GLRA1: variants seen among roughly 807,000 people sequenced by gnomAD.
GLRA1 encodes glycine receptor alpha 1.
In GLRA1, 37 loss-of-function variants were observed where a neutral mutation model predicts 48.3. The observed-to-expected ratio is 0.77, with a 90% CI of 0.59 to 1.01. The LOEUF (loss-of-function observed/expected upper bound fraction) is 1.01, where lower values mean the gene tolerates loss of function less well. Ranked by LOEUF, GLRA1 falls within the 50% of genes least tolerant of loss-of-function variation. The pLI is 0.00. For synonymous variants in GLRA1, 196 were observed against 210.7 expected, an observed-to-expected ratio of 0.93 and a Z score of 0.60; for missense variants, 427 against 571.0, an observed-to-expected ratio of 0.75 and a Z score of 2.57.
In GLRA1 at chr5:151,919,480, G is replaced by T. The variant is rs144219748; in HGVS notation, c.56+5014C>A. On this transcript the variant is annotated intron_variant, in intron 1 of 8. Coordinates refer to ENST00000274576, the MANE Select transcript of GLRA1 (RefSeq NM_000171.4). ...ATCTGTCAATAATCATGTCTGGGTC[G>T]GGATAACTCTCCAAAAGGTGAATTG... Among the ~76,000 whole-genome samples the T allele has an allele frequency of 4.3e-3, 661 of 152,266 alleles. 6 individuals are homozygous for T. The highest frequency in any genetic ancestry group is 0.015 in the African/African-American group (610 of 41,540).
intron 3 of GLRA1, among the ~76,000 whole-genome samples, chr5:151,868,321 A>G (rs113187075): frequency 1.4e-3 from 210 of 152,362 alleles, no homozygotes; most frequent in Admixed American, 2.5e-3. Flanking sequence ...AGAATTAATA[A>G]TAACAATGCA....
intron 3 of GLRA1, among the ~76,000 whole-genome samples, chr5:151,885,880 A>G (rs946497984): frequency 9.2e-5 from 14 of 152,180 alleles, no homozygotes; most frequent in Non-Finnish European, 1.6e-4. Context: ...GGAAGGGGGC[A>G]AGTTGGAAGC....
chr5:151,919,595 A>G (rs910562112), intron 1 of GLRA1, among the ~76,000 whole-genome samples: 35 of 152,258 alleles, frequency 2.3e-4, no homozygotes, highest in African/African-American at 8.4e-4. Context: ...ACACTTCAAT[A>G]GCTGTAACCA....
intron 1 of GLRA1, among the ~76,000 whole-genome samples, chr5:151,907,964 C>G (rs1276240459): frequency 1.3e-5 from 2 of 152,170 alleles, no homozygotes; most frequent in Non-Finnish European, 2.9e-5. Flanking sequence ...TTCCCCATAG[C>G]CTGGGAATAT....
At chr5:151,906,602 G>A (rs1228545287) in intron 1 of GLRA1, among the ~76,000 whole-genome samples, 1 of 152,208 alleles carries the variant, frequency 6.6e-6, no homozygotes, top group African/African-American at 2.4e-5. Flanking sequence ...GCTGTTGGGG[G>A]AAGAGGGACC....
intron 3 of GLRA1, among the ~76,000 whole-genome samples, chr5:151,883,687 G>C (rs2113401444): frequency 6.6e-6 from 1 of 152,380 alleles, no homozygotes. Context: ...GTCAGGCACT[G>C]TGCTTTGCAC....
intron 1 of GLRA1, among the ~76,000 whole-genome samples, chr5:151,911,311 G>C (rs898913177): frequency 2.0e-5 from 3 of 152,092 alleles, no homozygotes; most frequent in African/African-American, 7.2e-5. Flanking sequence ...AGTTAATCAG[G>C]CTCTTTTGTA....
rs376741988 is a variant in GLRA1 at position 151,843,288 on chromosome 5, TCTCA to T, written c.912+8098_912+8101del. On this transcript the variant is annotated intron_variant, in intron 7 of 8. Coordinates refer to ENST00000274576, the MANE Select transcript of GLRA1 (RefSeq NM_000171.4). ...TTTTTTTTTTTTTTTTGAGATGGAGTCTCACTCTCTCTCCCAGGCTGGAGTGCAA... is the reference window on the plus strand; with the variant it reads ...TTTTTTTTTTTTTTTTGAGATGGAGTCTCTCTCTCCCAGGCTGGAGTGCAA... Among the ~76,000 whole-genome samples, 1,151 of 136,436 alleles carry T rather than the reference TCTCA, an allele frequency of 8.4e-3. 13 individuals carry two copies. Among genetic ancestry groups the T allele is most frequent in the Non-Finnish European group, 0.013 (835 of 65,090 alleles). 89.5% of individuals were successfully genotyped at this position (136,436 alleles called of 152,430 possible).
At position 151,822,665 on chromosome 5, in the gene GLRA1, C is replaced by G. The variant is rs776044768; in HGVS notation, c.*8G>C. The G allele has an allele frequency of 2.5e-6, 4 of 1,601,778 alleles. No homozygotes were observed. Among genetic ancestry groups the G allele is most frequent in the Non-Finnish European group, 2.6e-6 (3 of 1,168,836 alleles). Reference sequence around the variant, plus strand: ...CCTCTCCCAGCCTCCCCCAACCTTTCAGACCCTTCACTGGTTGTGGACGTC... The same window carrying G: ...CCTCTCCCAGCCTCCCCCAACCTTTGAGACCCTTCACTGGTTGTGGACGTC... On this transcript the variant is annotated 3_prime_UTR_variant, in exon 9 of 9. Coordinates refer to ENST00000274576, the MANE Select transcript of GLRA1 (RefSeq NM_000171.4).
At chr5:151,887,354 T>C (rs1166109396) in intron 2 of GLRA1, among the ~76,000 whole-genome samples, 3 of 152,206 alleles carry the variant, frequency 2.0e-5, no homozygotes, top group Admixed American at 6.5e-5. Flanking sequence ...AAATGGAGGA[T>C]TATTCACTGG....
chr5:151,830,919 G>A lies in GLRA1; in HGVS notation c.913-1852C>T, dbSNP rs112882407. ...CCAGCAAGATCAATGCAGAAGGCGAGTGATTTCTGCATTTCTAACTGAGGT... is the reference window on the plus strand; with the variant it reads ...CCAGCAAGATCAATGCAGAAGGCGAATGATTTCTGCATTTCTAACTGAGGT... On this transcript the variant is annotated intron_variant, in intron 7 of 8. Transcript: ENST00000274576. Among the ~76,000 whole-genome samples the A allele has an allele frequency of 5.7e-3, 875 of 152,336 alleles. 12 individuals carry two copies. Among genetic ancestry groups the A allele is most frequent in the African/African-American group, 0.02 (846 of 41,578 alleles).
chr5:151,845,312 C>T (rs996252824), intron 7 of GLRA1, among the ~76,000 whole-genome samples: 4 of 152,130 alleles, frequency 2.6e-5, no homozygotes, highest in Admixed American at 2.6e-4. Context: ...ATGTGCAAAT[C>T]CTATATCTAA....
intron 1 of GLRA1, 109 bp from the exon 2 acceptor site, chr5:151,892,547 G>A: frequency 8.6e-7 from 1 of 1,156,402 alleles, no homozygotes; most frequent in Non-Finnish European, 1.3e-6. Context: ...GTTCTTAGCT[G>A]GAGTAATATG....
At chr5:151,841,607 G>A (rs1049879850) in intron 7 of GLRA1, among the ~76,000 whole-genome samples, 2 of 152,188 alleles carry the variant, frequency 1.3e-5, no homozygotes, top group Admixed American at 6.5e-5. Context: ...GAAAAAATGA[G>A]GGAAGAATCA....
In GLRA1 at chr5:151,830,916, C is replaced by T. The variant is rs567051843; in HGVS notation, c.913-1849G>A. ...CTCCCAGCAAGATCAATGCAGAAGG[C>T]GAGTGATTTCTGCATTTCTAACTGA... On this transcript the variant is annotated intron_variant, in intron 7 of 8. Transcript: ENST00000274576. 9.2e-5 allele frequency among the ~76,000 whole-genome samples: 14 copies of T among 152,278 alleles called. No individual in the cohort carries two copies. The East Asian group carries it at 9.7e-4, about 11-fold the overall frequency.
intron 7 of GLRA1, among the ~76,000 whole-genome samples, chr5:151,846,921 C>T (rs1028162943): frequency 6.6e-6 from 1 of 152,028 alleles, no homozygotes; most frequent in African/African-American, 2.4e-5. Context: ...TGTGATTCTC[C>T]TTCCTTATTT....
intron 8 of GLRA1, among the ~76,000 whole-genome samples, chr5:151,824,868 C>A (rs1474989843): frequency 8.7e-6 from 1 of 114,978 alleles, no homozygotes; most frequent in Non-Finnish European, 2.0e-5. Context: ...TGAACATAGT[C>A]CCTGGTTCAT....
At chr5:151,856,416 A>G (rs1225101942) in intron 4 of GLRA1, 33 bp from the exon 5 acceptor site, 2 of 1,372,580 alleles carry the variant, frequency 1.5e-6, no homozygotes, top group African/African-American at 2.8e-5. Flanking sequence ...ATGATGCAGG[A>G]TCTGCACATC....
intron 3 of GLRA1, among the ~76,000 whole-genome samples, chr5:151,866,012 C>T (rs527693308): frequency 3.3e-5 from 5 of 152,242 alleles, no homozygotes; most frequent in East Asian, 1.9e-4. Flanking sequence ...GTTCGACATG[C>T]GGGGGGCCAT....
Sources: gnomAD v4.1 joint callset for allele counts (sites outside exome capture counted in the v4.1 genomes callset) on GRCh38, gnomAD v4.1.1 for gene constraint, MANE v1.5 for transcripts, NCBI Gene and HGNC (gene_info 2026-07-23, HGNC 2026-07-21) for gene names.